LRRFIP2: variants seen among roughly 807,000 people sequenced by gnomAD.
LRRFIP2 encodes the protein LRR binding FLII interacting protein 2, also known as leucine-rich repeat flightless-interacting protein 2.
LRRFIP2 carries 109 observed loss-of-function variants against 125.9 expected under a neutral mutation model. The observed-to-expected ratio is 0.87, with a 90% CI of 0.74 to 1.01. The LOEUF is 1.01. LRRFIP2 is among the 50% of genes least tolerant of loss of function. The pLI is 0.00. For missense variants in LRRFIP2, 850 were observed against 862.3 expected (o/e 0.99, Z 0.18); for synonymous variants, 291 against 293.1 (o/e 0.99, Z 0.07).
intron 2 of LRRFIP2, among the ~76,000 whole-genome samples, chr3:37,146,272 C>G (rs984455653): frequency 6.6e-6 from 1 of 152,062 alleles, no homozygotes. Flanking sequence ...GTCGTATCTA[C>G]GTTTTCATTT....
At chr3:37,160,459 A>G (rs1162418531) in intron 1 of LRRFIP2, among the ~76,000 whole-genome samples, 1 of 152,168 alleles carries the variant, frequency 6.6e-6, no homozygotes, top group Non-Finnish European at 1.5e-5. Flanking sequence ...TATAGCCATG[A>G]AACAAGAACA....
intron 2 of LRRFIP2, among the ~76,000 whole-genome samples, chr3:37,139,817 C>T (rs2095647734): frequency 6.6e-6 from 1 of 152,186 alleles, no homozygotes; most frequent in African/African-American, 2.4e-5. Flanking sequence ...AGCAAAAAAT[C>T]TCACCCTGGT....
At chr3:37,136,774 T>A (rs2095564092) in intron 2 of LRRFIP2, among the ~76,000 whole-genome samples, 1 of 152,154 alleles carries the variant, frequency 6.6e-6, no homozygotes, top group Non-Finnish European at 1.5e-5. Context: ...AATGATTAAG[T>A]AATATATCAG....
chr3:37,082,643 T>C (rs571184734), intron 19 of LRRFIP2, among the ~76,000 whole-genome samples: 1 of 152,328 alleles, frequency 6.6e-6, no homozygotes, highest in African/African-American at 2.4e-5. Context: ...CATTATAATA[T>C]GATACAGAAT....
intron 9 of LRRFIP2, 88 bp downstream of exon 9, chr3:37,110,903 G>T: frequency 8.3e-7 from 1 of 1,201,702 alleles, no homozygotes; most frequent in Non-Finnish European, 1.2e-6. Flanking sequence ...TTACAGATTA[G>T]TTACAGCTAG....
At chr3:37,105,645 T>TA in intron 13 of LRRFIP2, 122 bp from the exon 14 acceptor site, 2 of 669,118 alleles carry the variant, frequency 3.0e-6, no homozygotes, top group Non-Finnish European at 5.4e-6. Flanking sequence ...GCATAATTGG[T>TA]ATAATATAGT....
At chr3:37,062,324 G>A (rs1187754640) in intron 24 of LRRFIP2, among the ~76,000 whole-genome samples, 1 of 152,022 alleles carries the variant, frequency 6.6e-6, no homozygotes, top group Non-Finnish European at 1.5e-5. Flanking sequence ...CTAGAATAGT[G>A]CATGTTAAAT....
rs2087709912 is a variant in LRRFIP2 at position 37,058,883 on chromosome 3, C to T, written c.1777G>A (p.Glu593Lys). ...TTCCTGGAGCATTTCTGTCGTTCCT[C>T]CTCTAACTGAAGCTTCAGTTTTCTA... ...QIRKLKLQLE[E>K]ERQKCSRNDG... The change falls in exon 25 of 28, where the codon GAG (glutamate) becomes AAG (lysine). Residue 593 changes from glutamate (E) to lysine (K), a missense_variant. Transcript: ENST00000336686. 1 of 1,613,956 alleles carries T rather than the reference C, an allele frequency of 6.2e-7. No individual in the cohort carries two copies. Among genetic ancestry groups the T allele is most frequent in the Non-Finnish European group, 8.5e-7 (1 of 1,179,946 alleles).
At chr3:37,156,673 CAAAAAAAAAA>C (rs59647339) in intron 1 of LRRFIP2, among the ~76,000 whole-genome samples, 8 of 30,584 alleles carry the variant, frequency 2.6e-4, no homozygotes, top group South Asian at 5.2e-3. Context: ...GACTCAGTAT[CAAAAAAAAAA>C]AAAAAAAAAA....
Position 37,058,791 on chromosome 3 carries a change from CTGCATT to C in LRRFIP2, c.1863_1868del (p.Met622_Gln623del). ...ACTGGCCTGTCCCCTGGTACCTACT[CTGCATT>C]TCGATGAACTGCAAGTCTGAGCCAT... On this transcript the variant is annotated inframe_deletion and splice_region_variant, in exon 25 of 28. Coordinates refer to ENST00000336686, the MANE Select transcript of LRRFIP2 (RefSeq NM_006309.4). The C allele has an allele frequency of 6.2e-7, 1 of 1,613,932 alleles. No individual in the cohort carries two copies. The highest frequency in any genetic ancestry group is 8.5e-7 in the Non-Finnish European group (1 of 1,179,884).
chr3:37,129,102 T>C lies in LRRFIP2; in HGVS notation c.138A>G (p.Arg46=). 6.2e-7 allele frequency: 1 copy of C among 1,614,182 alleles called. No individual in the cohort carries two copies. The highest frequency in any genetic ancestry group is 8.5e-7 in the Non-Finnish European group (1 of 1,180,030). The change falls in exon 3 of 28, where the codon AGA becomes AGG. Residue 46 remains arginine, a synonymous_variant. Coordinates refer to ENST00000336686, the MANE Select transcript of LRRFIP2 (RefSeq NM_006309.4). ...GTTCCAGTTCTCTCATGCGTATATC[T>C]CTTGCTTCTGCCCGGGCAGCCCGTT... The part of the protein sequence containing the change: ...AAKRAARAEA[R]DIRMRELERQ...
chr3:37,141,657 T>C (rs903641915), intron 2 of LRRFIP2, among the ~76,000 whole-genome samples: 4 of 152,224 alleles, frequency 2.6e-5, no homozygotes, highest in Non-Finnish European at 4.4e-5. Context: ...TGGCCAAGTA[T>C]GGCATATGCT....
chr3:37,074,271 C>G (rs2091716020), intron 20 of LRRFIP2, among the ~76,000 whole-genome samples: 2 of 152,154 alleles, frequency 1.3e-5, no homozygotes, highest in Admixed American at 1.3e-4. Context: ...CTCCTGGGAT[C>G]ATTAACAATC....
intron 1 of LRRFIP2, among the ~76,000 whole-genome samples, chr3:37,167,021 A>G (rs1487943251): frequency 6.6e-6 from 1 of 151,960 alleles, no homozygotes; most frequent in African/African-American, 2.4e-5. Context: ...GTCTCAAAAA[A>G]AAAAGAAACA....
chr3:37,114,954 C>A, intron 7 of LRRFIP2, 100 bp downstream of exon 7: 2 of 947,750 alleles, frequency 2.1e-6, no homozygotes, highest in Non-Finnish European at 3.3e-6. Flanking sequence ...CCCAAAAGTT[C>A]ATAACAAAGC....
intron 3 of LRRFIP2, among the ~76,000 whole-genome samples, chr3:37,128,306 T>C (rs1381254390): frequency 6.6e-6 from 1 of 152,202 alleles, no homozygotes; most frequent in Non-Finnish European, 1.5e-5. Flanking sequence ...CCCTTCATAC[T>C]ACTACAACAT....
chr3:37,097,251 T>C (rs1287439540), intron 15 of LRRFIP2, among the ~76,000 whole-genome samples: 8 of 151,190 alleles, frequency 5.3e-5, no homozygotes, highest in Non-Finnish European at 1.2e-4. Context: ...GCTCTCTCCC[T>C]ACCATGCCAT....
intron 24 of LRRFIP2, among the ~76,000 whole-genome samples, chr3:37,062,947 G>GA (rs2089186914): frequency 6.6e-6 from 1 of 152,144 alleles, no homozygotes; most frequent in Admixed American, 6.5e-5. Context: ...AATGAAGGGT[G>GA]ACCACATCTA....
At chr3:37,115,148 A>C (rs2094721792) in intron 6 of LRRFIP2, 53 bp from the exon 7 acceptor site, 1 of 1,192,056 alleles carries the variant, frequency 8.4e-7, no homozygotes, top group African/African-American at 1.5e-5. Context: ...CAGAAATATA[A>C]AGAAGAGAAG....
Sources: allele counts gnomAD v4.1 joint callset (sites outside exome capture counted in the v4.1 genomes callset), GRCh38; gene constraint gnomAD v4.1.1; transcripts MANE v1.5; gene names NCBI Gene and HGNC (gene_info 2026-07-23, HGNC 2026-07-21).